Variants in PPHLN1 observed in about 807,000 individuals in gnomAD.
The protein encoded by PPHLN1 is periphilin-1.
A neutral mutation model predicts 51.3 loss-of-function variants in PPHLN1; 29 were observed. The ratio of observed to expected loss-of-function variants is 0.57; its 90% CI spans 0.42 to 0.77. The LOEUF (loss-of-function observed/expected upper bound fraction) is 0.77, where lower values mean the gene tolerates loss of function less well. Among genes scored for constraint, PPHLN1 ranks in the 30% least tolerant of loss-of-function variants. The probability of loss-of-function intolerance (pLI) is 0.00; values close to 1 mark genes in which losing one functional copy is unlikely to be tolerated. For missense variants in PPHLN1, 436 were observed against 438.4 expected, an observed-to-expected ratio of 0.99 and a Z score of 0.05; for synonymous variants, 147 against 147.8, an observed-to-expected ratio of 0.99 and a Z score of 0.04.
intron 2 of PPHLN1, among the ~76,000 whole-genome samples, chr12:42,339,102 A>G (rs1004887997): frequency 6.6e-6 from 1 of 152,214 alleles, no homozygotes; most frequent in Non-Finnish European, 1.5e-5. Flanking sequence ...TTAAAATCAG[A>G]CTAGATGTAT....
chr12:42,393,175 A>G (rs1457502478), intron 7 of PPHLN1, among the ~76,000 whole-genome samples: 1 of 152,194 alleles, frequency 6.6e-6, no homozygotes, highest in Admixed American at 6.5e-5. Flanking sequence ...TTTCTGTTGT[A>G]TTAGGAGTTT....
chr12:42,347,506 G>A (rs1238939071), intron 2 of PPHLN1, among the ~76,000 whole-genome samples: 3 of 152,282 alleles, frequency 2.0e-5, no homozygotes, highest in South Asian at 2.1e-4. Context: ...AGGGGCGGGC[G>A]CAGTGGCTCA....
intron 9 of PPHLN1, among the ~76,000 whole-genome samples, chr12:42,436,892 T>A (rs2082529332): frequency 6.6e-6 from 1 of 152,172 alleles, no homozygotes; most frequent in African/African-American, 2.4e-5. Flanking sequence ...CATTTAATAT[T>A]TTTGGACTGC....
chr12:42,433,386 G>A (rs1309353972), intron 9 of PPHLN1: 8 of 401,030 alleles, frequency 2.0e-5, no homozygotes, highest in Admixed American at 3.5e-5. Context: ...GCAGTGGTGC[G>A]TTCTCTGCTC....
At chr12:42,392,079 T>G (rs1313393765) in intron 7 of PPHLN1, among the ~76,000 whole-genome samples, 2 of 152,076 alleles carry the variant, frequency 1.3e-5, no homozygotes, top group Non-Finnish European at 2.9e-5. Context: ...TACCCGGTTA[T>G]GGTGTGCGCA....
At chr12:42,341,424 A>G (rs1228156244) in intron 2 of PPHLN1, among the ~76,000 whole-genome samples, 1 of 152,202 alleles carries the variant, frequency 6.6e-6, no homozygotes, top group Non-Finnish European at 1.5e-5. Context: ...CTGTAGTAGT[A>G]TGACCTCGTT....
At chr12:42,432,683 A>G (rs1009046915) in intron 9 of PPHLN1, among the ~76,000 whole-genome samples, 16 of 152,104 alleles carry the variant, frequency 1.1e-4, no homozygotes, top group African/African-American at 3.4e-4. Flanking sequence ...CAATGCGGTA[A>G]CTCCAGGAAC....
chr12:42,433,158 T>C (rs2082188624), intron 9 of PPHLN1: 1 of 771,066 alleles, frequency 1.3e-6, no homozygotes, highest in South Asian at 1.4e-5. Context: ...TTCAATGACA[T>C]AAAATTCTCC....
intron 4 of PPHLN1, among the ~76,000 whole-genome samples, chr12:42,369,198 C>T (rs180704780): frequency 9.7e-4 from 148 of 152,260 alleles, no homozygotes; most frequent in Non-Finnish European, 1.9e-3. Context: ...TTTCTGACCC[C>T]TAGTTTAGTG....
chr12:42,444,799 C>A, downstream of PPHLN1: 1 of 496,208 alleles, frequency 2.0e-6, no homozygotes, highest in Middle Eastern at 5.3e-4. Flanking sequence ...TTATCTAGTA[C>A]TTCTGTAGTT....
intron 2 of PPHLN1, among the ~76,000 whole-genome samples, chr12:42,351,091 G>GTT (rs113281394): frequency 0.073 from 11,112 of 151,466 alleles, 421 homozygotes; most frequent in Admixed American, 0.093. Flanking sequence ...AGGCTTTACA[G>GTT]TTTTTTTTTA....
At chr12:42,380,496 A>G (rs1454015919) in intron 5 of PPHLN1, among the ~76,000 whole-genome samples, 2 of 152,120 alleles carry the variant, frequency 1.3e-5, no homozygotes, top group African/African-American at 2.4e-5. Flanking sequence ...CTGTTTTGAG[A>G]CAAGTATATT....
chr12:42,329,094 A>ATTTTTTTTTT (rs775555753), intron 1 of PPHLN1, among the ~76,000 whole-genome samples: 5 of 141,428 alleles, frequency 3.5e-5, no homozygotes, highest in African/African-American at 1.4e-4. Context: ...TGGAATTTCA[A>ATTTTTTTTTT]TTTTTTTTTT....
rs201702651 is a variant in PPHLN1, at chr12:42,429,335, T to C, written c.910-11980T>C. ...AGAGAAAAAATGTCTACAGTGTTTC[T>C]ACCATAAGTTATTTTAAGTCTAAGA... On this transcript the variant is annotated intron_variant, in intron 9 of 9. Coordinates refer to ENST00000358314, the MANE Select transcript of PPHLN1 (RefSeq NM_201439.2). Among the ~76,000 whole-genome samples the C allele has an allele frequency of 2.6e-5, 4 of 152,250 alleles. No individual in the cohort carries two copies. The East Asian group carries it at 7.7e-4, about 29-fold the overall frequency.
rs187603367 is a variant in PPHLN1 at position 42,421,782 on chromosome 12, G to A, written c.910-19533G>A. Among the ~76,000 whole-genome samples the A allele has an allele frequency of 2.0e-5, 3 of 152,204 alleles. No homozygotes were observed. The East Asian group carries it at 5.8e-4, about 29-fold the overall frequency. ...TTTAATGGGTGATGAGAAAGTTTTA[G>A]TAGCTAAGATTTTGTTGAATTTAAG... is the stretch of plus-strand genomic sequence containing the variant. On this transcript the variant is annotated intron_variant, in intron 9 of 9. Transcript: ENST00000358314.
intron 8 of PPHLN1, among the ~76,000 whole-genome samples, chr12:42,394,179 G>A (rs2139200583): frequency 6.6e-6 from 1 of 152,094 alleles, no homozygotes; most frequent in African/African-American, 2.4e-5. Flanking sequence ...ACCGAAAGAT[G>A]GGAACATTTT....
intron 2 of PPHLN1, chr12:42,347,114 T>G (rs561095863): frequency 7.2e-5 from 11 of 152,280 alleles, no homozygotes; most frequent in Admixed American, 1.3e-4. Context: ...AGAGGTGGCA[T>G]GAACCAGGCC....
At chr12:42,340,680 C>T (rs187584007) in intron 2 of PPHLN1, among the ~76,000 whole-genome samples, 16 of 152,254 alleles carry the variant, frequency 1.1e-4, no homozygotes, top group Non-Finnish European at 1.6e-4. Flanking sequence ...ACTGGGAGAC[C>T]GCACAATGAA....
At chr12:42,350,908 TCG>T (rs2138187406) in intron 2 of PPHLN1, among the ~76,000 whole-genome samples, 1 of 151,178 alleles carries the variant, frequency 6.6e-6, no homozygotes, top group African/African-American at 2.4e-5. Flanking sequence ...TGAGCCGAGA[TCG>T]CGGCAGTACA....
Sources: allele counts gnomAD v4.1 joint callset (sites outside exome capture counted in the v4.1 genomes callset), GRCh38; gene constraint gnomAD v4.1.1; transcripts MANE v1.5; gene names NCBI Gene and HGNC (gene_info 2026-07-23, HGNC 2026-07-21).